The following PLEKHS1 variants were observed in gnomAD, a reference collection of about 807,000 sequenced individuals.
PLEKHS1 encodes the protein pleckstrin homology domain-containing family S member 1.
PLEKHS1 carries 55 observed loss-of-function variants against 51.0 expected under a neutral mutation model. The observed-to-expected ratio is 1.08, with a 90% confidence interval of 0.87 to 1.35. The LOEUF (loss-of-function observed/expected upper bound fraction) is 1.35, where lower values mean the gene tolerates loss of function less well. PLEKHS1 is among the 40% of genes most tolerant of loss of function. PLEKHS1 has a pLI of 0.00. For missense variants in PLEKHS1, 398 were observed against 423.0 expected (o/e 0.94, Z 0.52); for synonymous variants, 153 against 144.8 (o/e 1.06, Z -0.41).
Position 113,769,915 on chromosome 10 carries a change from T to G in PLEKHS1, c.552+15T>G. On this transcript the variant is annotated intron_variant, in intron 7 of 11. Coordinates refer to ENST00000361048, the Ensembl canonical transcript of PLEKHS1. ...TCCAAGACAAGGTAATGGGGCTCACTTCTTTCTCAGGACACCACACCTGGG... is the reference window on the plus strand; with the variant it reads ...TCCAAGACAAGGTAATGGGGCTCACGTCTTTCTCAGGACACCACACCTGGG... 1 of 1,576,450 alleles carries G rather than the reference T, an allele frequency of 6.3e-7. No homozygotes were observed. The highest frequency in any genetic ancestry group is 8.7e-7 in the Non-Finnish European group (1 of 1,145,840).
chr10:113,780,011 G>A (rs902937820), intron 11 of PLEKHS1, among the ~76,000 whole-genome samples: 2 of 152,144 alleles, frequency 1.3e-5, no homozygotes, highest in African/African-American at 4.8e-5. Flanking sequence ...ATTGGAAAAG[G>A]GAGATATGGA....
intron 11 of PLEKHS1, among the ~76,000 whole-genome samples, chr10:113,776,458 ATGT>A (rs1844668124): frequency 6.6e-6 from 1 of 152,208 alleles, no homozygotes; most frequent in Non-Finnish European, 1.5e-5. Flanking sequence ...AAACTCTTTA[ATGT>A]AAACACTACA....
At chr10:113,766,144 G>A (rs1844150153) in intron 2 of PLEKHS1, among the ~76,000 whole-genome samples, 1 of 152,222 alleles carries the variant, frequency 6.6e-6, no homozygotes, top group South Asian at 2.1e-4. Context: ...CACGTAGAGA[G>A]CCAACGACAT....
intron 11 of PLEKHS1, chr10:113,777,497 C>G (rs750388211): frequency 6.3e-7 from 1 of 1,575,168 alleles, no homozygotes; most frequent in African/African-American, 1.3e-5. Context: ...GACCTCAGAT[C>G]GGCATGATGT....
chr10:113,775,711 T>A, intron 10 of PLEKHS1, 54 bp from the exon 11 acceptor site: 1 of 1,276,778 alleles, frequency 7.8e-7, no homozygotes, highest in Non-Finnish European at 1.1e-6. Flanking sequence ...GAAAGTACAG[T>A]TGAGAGCCAA....
chr10:113,763,517 C>A (rs571849869), intron 2 of PLEKHS1, among the ~76,000 whole-genome samples: 1 of 152,024 alleles, frequency 6.6e-6, no homozygotes, highest in South Asian at 2.1e-4. Flanking sequence ...GTTTGTTCTC[C>A]CTTTCCCCCT....
exon 10 of PLEKHS1, chr10:113,774,869 G>C (rs1484168788): frequency 5.0e-6 from 8 of 1,614,026 alleles, no homozygotes; most frequent in Non-Finnish European, 6.8e-6. Flanking sequence ...TAGCAGCAAA[G>C]AGGAACCCCA....
exon 5 of PLEKHS1, chr10:113,767,454 G>A: frequency 6.2e-7 from 1 of 1,612,804 alleles, no homozygotes; most frequent in Non-Finnish European, 8.5e-7. Flanking sequence ...CACTAACAGG[G>A]AATACTTCCT....
Position 113,758,768 on chromosome 10 carries a change from A to T in PLEKHS1, c.28+3463A>T, listed in dbSNP as rs75875943. 2.0e-4 allele frequency among the ~76,000 whole-genome samples: 31 copies of T among 152,334 alleles called. No individual in the cohort carries two copies. The East Asian group carries it at 5.2e-3, about 26-fold the overall frequency. On this transcript the variant is annotated intron_variant, in intron 2 of 11. Transcript: ENST00000361048. The stretch of plus-strand genomic sequence containing the variant: ...ATAGCCAGTCAGTGGAGCAATCAGA[A>T]CACACACAACATTTTTGAAGTTCAC...
At chr10:113,772,223 C>T in intron 8 of PLEKHS1, 134 bp downstream of exon 8, 1 of 919,654 alleles carries the variant, frequency 1.1e-6, no homozygotes, top group Non-Finnish European at 1.7e-6. Flanking sequence ...ATGACGTGCT[C>T]ATGGTGCTGA....
intron 2 of PLEKHS1, among the ~76,000 whole-genome samples, chr10:113,762,365 C>CTTTTTTTTTTTTTTTTTTTTTTTTTTCT (rs34457408): frequency 3.2e-5 from 2 of 61,770 alleles, no homozygotes; most frequent in African/African-American, 6.0e-5. Context: ...AGATTTGTTC[C>CTTTTTTTTTTTTTTTTTTTTTTTTTTCT]TTTTTTTTTT....
intron 2 of PLEKHS1, 124 bp from the exon 3 acceptor site, chr10:113,766,287 T>C (rs1337388899): frequency 6.4e-6 from 4 of 628,218 alleles, no homozygotes; most frequent in Non-Finnish European, 1.1e-5. Context: ...TTATTATAGG[T>C]GTCCTTTTCC....
intron 1 of PLEKHS1, among the ~76,000 whole-genome samples, chr10:113,752,890 G>A (rs1853914003): frequency 6.6e-6 from 1 of 152,212 alleles, no homozygotes; most frequent in Non-Finnish European, 1.5e-5. Flanking sequence ...GAGCATGAAT[G>A]TGGTGCTGTG....
intron 2 of PLEKHS1, among the ~76,000 whole-genome samples, chr10:113,763,236 T>G (rs531320132): frequency 7.2e-5 from 11 of 152,268 alleles, no homozygotes; most frequent in African/African-American, 1.9e-4. Context: ...AAATCTACAT[T>G]GATGTTAATA....
intron 5 of PLEKHS1, among the ~76,000 whole-genome samples, chr10:113,768,292 G>T (rs2134528105): frequency 6.6e-6 from 1 of 152,308 alleles, no homozygotes; most frequent in African/African-American, 2.4e-5. Context: ...CAAAGCGGGT[G>T]TGGGAGAGAC....
intron 11 of PLEKHS1, among the ~76,000 whole-genome samples, chr10:113,776,296 C>A (rs976487614): frequency 1.3e-5 from 2 of 151,804 alleles, no homozygotes; most frequent in Admixed American, 6.6e-5. Context: ...TAAAAAAAAA[C>A]AAAAAACAAA....
At chr10:113,768,231 C>A (rs1232605142) in intron 5 of PLEKHS1, among the ~76,000 whole-genome samples, 1 of 152,140 alleles carries the variant, frequency 6.6e-6, no homozygotes, top group Non-Finnish European at 1.5e-5. Context: ...CTGGTCCTAG[C>A]AAAGGTGCCT....
chr10:113,758,380 T>C (rs1249672962), intron 2 of PLEKHS1, among the ~76,000 whole-genome samples: 1 of 152,204 alleles, frequency 6.6e-6, no homozygotes. Flanking sequence ...CCATCAGAGC[T>C]CTTGGGTGAC....
chr10:113,777,348 G>C (rs764399694), intron 11 of PLEKHS1, 89 bp downstream of exon 12: 113 of 1,607,550 alleles, frequency 7.0e-5, no homozygotes, highest in Non-Finnish European at 9.5e-5. Flanking sequence ...GAAGTACCCT[G>C]AATACAAATA....
Sources: allele counts gnomAD v4.1 joint callset (sites outside exome capture counted in the v4.1 genomes callset), GRCh38; gene constraint gnomAD v4.1.1; transcripts MANE v1.5; gene names NCBI Gene and HGNC (gene_info 2026-07-23, HGNC 2026-07-21).